Variants in SCRT2 observed in about 807,000 individuals in gnomAD.
The protein encoded by SCRT2 is transcriptional repressor scratch 2.
A neutral mutation model predicts 3.7 loss-of-function variants in SCRT2; 2 were observed. That is an observed-to-expected ratio of 0.54 (90% CI 0.22 to 1.70). The LOEUF is 1.70. Ranked by LOEUF, SCRT2 falls within the 40% of genes most tolerant of loss-of-function variation. SCRT2 has a pLI of 0.19. For synonymous variants in SCRT2, 256 were observed against 220.6 expected (o/e 1.16, Z -1.42); for missense variants, 456 against 468.5 (o/e 0.97, Z 0.25).
At chr20:674,578 C>T (rs2122363022) in intron 1 of SCRT2, among the ~76,000 whole-genome samples, 1 of 152,326 alleles carries the variant, frequency 6.6e-6, no homozygotes, top group Non-Finnish European at 1.5e-5. Context: ...TCCACAGAAG[C>T]AGTCTCCACT....
intron 1 of SCRT2, among the ~76,000 whole-genome samples, chr20:672,603 C>T (rs765415242): frequency 6.6e-4 from 100 of 151,938 alleles, no homozygotes; most frequent in Middle Eastern, 3.4e-3. Context: ...CCCTGCTCCC[C>T]CGACCCAGGT....
In SCRT2 at chr20:675,402, G is replaced by A. The variant is rs1568660270; in HGVS notation, c.133+67C>T. On this transcript the variant is annotated intron_variant, in intron 1 of 1. Transcript: ENST00000246104. The surrounding 1 kb of genome is among the most constrained non-coding windows in gnomAD (Gnocchi z 6.9). Reference sequence around the variant, plus strand: ...GCACGCGCCCCTCCTCGTGGCCCAAGCTGGGGAGGGCCCCAGCTCCCCTCG... The same window carrying A: ...GCACGCGCCCCTCCTCGTGGCCCAAACTGGGGAGGGCCCCAGCTCCCCTCG... 1.6e-6 allele frequency: 2 copies of A among 1,221,508 alleles called. No homozygotes were observed. The highest frequency in any genetic ancestry group is 3.1e-5 in the African/African-American group (2 of 63,906). The allele number at this position is 1,221,508 out of a possible 1,614,324, so 75.7% of individuals were successfully genotyped here.
rs1984515604 is a variant in SCRT2 at position 675,653 on chromosome 20, C to T, written c.-52G>A. 8.2e-7 allele frequency: 1 copy of T among 1,217,074 alleles called. No individual in the cohort carries two copies. 75.4% of individuals were successfully genotyped at this position (1,217,074 alleles called of 1,614,324 possible). A position where few individuals can be genotyped will look rare whatever the true frequency, so the allele number is the denominator to read the frequency against. ...GGGGAGGCGGCCGGCCGGGCGCGAT[C>T]GGCTGTGTCCGCGCGGGTTTTCAGC... On this transcript the variant is annotated 5_prime_UTR_variant, in exon 1 of 2. Transcript: ENST00000246104. The surrounding 1 kb of genome is among the most constrained non-coding windows in gnomAD (Gnocchi z 6.9).
rs1406006011 is a variant in SCRT2, at chr20:664,605, C to T, written c.134-144G>A. 5.7e-6 allele frequency: 3 copies of T among 522,572 alleles called. No homozygotes were observed. The highest frequency in any genetic ancestry group is 2.0e-5 in the African/African-American group (1 of 50,982). 32.4% of individuals were successfully genotyped at this position (522,572 alleles called of 1,614,324 possible). On this transcript the variant is annotated intron_variant, in intron 1 of 1. Transcript: ENST00000246104. This position sits in a 1 kb window ranked among gnomAD's most constrained non-coding sequence, Gnocchi z 7.9. ...GTGGTCTCCGACCTGCACCTCAGCT[C>T]TTCCTGTCAGGCAGCCTGGGTTCAA... is the stretch of plus-strand genomic sequence containing the variant.
Position 667,006 on chromosome 20 carries a change from G to A in SCRT2, c.134-2545C>T, listed in dbSNP as rs528846892. 6.6e-6 allele frequency among the ~76,000 whole-genome samples: 1 copy of A among 152,288 alleles called. No homozygotes were observed. Among genetic ancestry groups the A allele is most frequent in the East Asian group, 1.9e-4 (1 of 5,188 alleles). On this transcript the variant is annotated intron_variant, in intron 1 of 1. Transcript: ENST00000246104. This position sits in a 1 kb window ranked among gnomAD's most constrained non-coding sequence, Gnocchi z 4.4. ...TATTAAAGGATGACATATTGGATAA[G>A]AGTAAAACTTTGGTGCCAGACGGCC...
chr20:673,098 C>T (rs964922563), intron 1 of SCRT2, among the ~76,000 whole-genome samples: 1 of 152,222 alleles, frequency 6.6e-6, no homozygotes, highest in Non-Finnish European at 1.5e-5. Context: ...TGGCACTGAC[C>T]GTCCACTGCA....
chr20:663,619 G>C lies in SCRT2; in HGVS notation c.*52C>G. 2 of 1,327,038 alleles carry C rather than the reference G, an allele frequency of 1.5e-6. No homozygotes were observed. The highest frequency in any genetic ancestry group is 1.9e-6 in the Non-Finnish European group (2 of 1,043,668). 82.2% of individuals were successfully genotyped at this position (1,327,038 alleles called of 1,614,324 possible). A position where few individuals can be genotyped will look rare whatever the true frequency, so the allele number is the denominator to read the frequency against. On this transcript the variant is annotated 3_prime_UTR_variant, in exon 2 of 2. Coordinates refer to ENST00000246104, the MANE Select transcript of SCRT2 (RefSeq NM_033129.4). The surrounding 1 kb of genome is among the most constrained non-coding windows in gnomAD (Gnocchi z 6.9). ...GAGGGCGCTGCGGGCGCAGGTAGGG[G>C]GCCCGGGGCGCGTGGAGAGCGAGTT...
At position 666,584 on chromosome 20, in the gene SCRT2, G is replaced by C. The variant is rs1180808553; in HGVS notation, c.134-2123C>G. Among the ~76,000 whole-genome samples, 3 of 152,190 alleles carry C rather than the reference G, an allele frequency of 2.0e-5. No individual in the cohort carries two copies. The highest frequency in any genetic ancestry group is 4.4e-5 in the Non-Finnish European group (3 of 68,036). ...CAGTGTGGTGATGGCACTTGCTCCA[G>C]GGGTGGAGCAAGGATTGGAATCCAC... On this transcript the variant is annotated intron_variant, in intron 1 of 1. Transcript: ENST00000246104. The surrounding 1 kb of genome is among the most constrained non-coding windows in gnomAD (Gnocchi z 4.4).
Position 664,393 on chromosome 20 carries a change from G to T in SCRT2, c.202C>A (p.Pro68Thr), listed in dbSNP as rs1984084573. 2 of 1,404,674 alleles carry T rather than the reference G, an allele frequency of 1.4e-6. No homozygotes were observed. Among genetic ancestry groups the T allele is most frequent in the East Asian group, 2.9e-5 (1 of 34,288 alleles). 87.0% of individuals were successfully genotyped at this position (1,404,674 alleles called of 1,614,324 possible). Reference protein sequence around the residue: ...ADQKPGLELAPAEPAYPPAAP... With the variant: ...ADQKPGLELATAEPAYPPAAP... ...GCCGGCGGGTACGCGGGCTCGGCCG[G>T]GGCCAGCTCCAGGCCCGGCTTCTGG... The change falls in exon 2 of 2, where the codon CCG (proline) becomes ACG (threonine). Residue 68 changes from proline to threonine, a missense_variant. Around this residue, in one of 3 missense-constraint regions of SCRT2, gnomAD observed 306 missense variants for 305.3 expected, o/e 1.00. Coordinates refer to ENST00000246104, the MANE Select transcript of SCRT2 (RefSeq NM_033129.4). The surrounding 1 kb of genome is among the most constrained non-coding windows in gnomAD (Gnocchi z 7.9).
rs2122344058 is a variant in SCRT2, at chr20:665,213, T to C, written c.134-752A>G. 6.6e-6 allele frequency among the ~76,000 whole-genome samples: 1 copy of C among 152,294 alleles called. No individual in the cohort carries two copies. Among genetic ancestry groups the C allele is most frequent in the East Asian group, 1.9e-4 (1 of 5,188 alleles). On this transcript the variant is annotated intron_variant, in intron 1 of 1. Transcript: ENST00000246104. This position sits in a 1 kb window ranked among gnomAD's most constrained non-coding sequence, Gnocchi z 5.0. ...TTTTACTTGCTTGGAGATAGTTTCC[T>C]CCCCCACCACACTGTGAGCTCCCCA...
chr20:671,855 G>T (rs1984343199), intron 1 of SCRT2, among the ~76,000 whole-genome samples: 1 of 152,200 alleles, frequency 6.6e-6, no homozygotes. Context: ...GCAGAGGAAG[G>T]GGGGCCTGGC....
intron 1 of SCRT2, among the ~76,000 whole-genome samples, chr20:668,166 T>C (rs1353609865): frequency 1.2e-4 from 1 of 8,386 alleles, no homozygotes; most frequent in Non-Finnish European, 3.4e-4. Flanking sequence ...GCTGTTATTA[T>C]TGTTACTGGT....
chr20:670,004 A>G (rs1470362707), intron 1 of SCRT2, among the ~76,000 whole-genome samples: 4 of 152,238 alleles, frequency 2.6e-5, no homozygotes, highest in Non-Finnish European at 5.9e-5. Context: ...CCCAGGCCCA[A>G]GGAACTTTGA....
Position 664,095 on chromosome 20 carries a change from G to A in SCRT2, c.500C>T (p.Ser167Leu), listed in dbSNP as rs762268008. ...CAECGKTYAT[S>L]SNLSRHKQTH... ...CTGCTTGTGGCGGCTCAGGTTCGAC[G>A]ACGTGGCGTAGGTCTTGCCGCACTC... Residue 167 changes from serine (S) to leucine (L), a missense_variant, in exon 2 of 2, where the codon TCG becomes TTG. By Grantham distance (145) the Ser-to-Leu change is moderately radical. This residue lies in a region of SCRT2 where 306 missense variants were observed against 305.3 expected (regional missense o/e 1.00). Transcript: ENST00000246104. The surrounding 1 kb of genome is among the most constrained non-coding windows in gnomAD (Gnocchi z 7.9). The A allele has an allele frequency of 3.7e-6, 6 of 1,608,616 alleles. No individual in the cohort carries two copies. The highest frequency in any genetic ancestry group is 5.1e-6 in the Non-Finnish European group (6 of 1,179,078).
Position 675,595 on chromosome 20 carries a change from G to T in SCRT2, c.7C>A (p.Arg3Ser). The change falls in exon 1 of 2, where the codon CGC becomes AGC. Residue 3 changes from arginine to serine, a missense_variant. Coordinates refer to ENST00000246104, the MANE Select transcript of SCRT2 (RefSeq NM_033129.4). This position sits in a 1 kb window ranked among gnomAD's most constrained non-coding sequence, Gnocchi z 6.9. ...TTGATCTTCTTTACCAGGAAGGAGC[G>T]CGGCATGGCGCGGCCGGCGCGGGGC... MP[R>S]SFLVKKIKGD... is the part of the protein sequence containing the mutation. The T allele has an allele frequency of 7.7e-7, 1 of 1,304,768 alleles. No homozygotes were observed. The highest frequency in any genetic ancestry group is 9.8e-7 in the Non-Finnish European group (1 of 1,021,068). The allele number at this position is 1,304,768 out of a possible 1,614,324, so 80.8% of individuals were successfully genotyped here.
At chr20:668,416 T>C (rs1213977001) in intron 1 of SCRT2, among the ~76,000 whole-genome samples, 1 of 152,188 alleles carries the variant, frequency 6.6e-6, no homozygotes, top group Non-Finnish European at 1.5e-5. Flanking sequence ...ATCCTGCAAC[T>C]GACAGGGTGA....
rs1984042076 is a variant in SCRT2 at position 663,709 on chromosome 20, CGGCCGCCTTGGCGCA to C, written c.871_885del (p.Cys291_Ala295del). On this transcript the variant is annotated inframe_deletion, in exon 2 of 2. Transcript: ENST00000246104. The surrounding 1 kb of genome is among the most constrained non-coding windows in gnomAD (Gnocchi z 6.9). ...CCGGCGGGGGTCGGCGGGGGTGGCT[CGGCCGCCTTGGCGCA>C]GGCCGCCTCGCAGTGCTTGTGGAGG... is the stretch of plus-strand genomic sequence containing the variant. 1.3e-6 allele frequency: 2 copies of C among 1,522,410 alleles called. No homozygotes were observed. The highest frequency in any genetic ancestry group is 1.2e-5 in the South Asian group (1 of 82,838). 94.3% of individuals were successfully genotyped at this position (1,522,410 alleles called of 1,614,324 possible).
chr20:675,445 C>T lies in SCRT2; in HGVS notation c.133+24G>A. 7.7e-6 allele frequency: 10 copies of T among 1,300,450 alleles called. No individual in the cohort carries two copies. Among genetic ancestry groups the T allele is most frequent in the South Asian group, 2.5e-5 (1 of 40,560 alleles). The allele number at this position is 1,300,450 out of a possible 1,614,324, so 80.6% of individuals were successfully genotyped here. ...TCCCCTCGCCTCTTCTCCCAACCCC[C>T]CGCCCCCGCCGGGTCCCACTCACCG... On this transcript the variant is annotated intron_variant, in intron 1 of 1. Transcript: ENST00000246104. The surrounding 1 kb of genome is among the most constrained non-coding windows in gnomAD (Gnocchi z 6.9).
Position 667,379 on chromosome 20 carries a change from T to C in SCRT2, c.134-2918A>G, listed in dbSNP as rs1379487290. Among the ~76,000 whole-genome samples, 2 of 152,224 alleles carry C rather than the reference T, an allele frequency of 1.3e-5. No individual in the cohort carries two copies. The highest frequency in any genetic ancestry group is 2.9e-5 in the Non-Finnish European group (2 of 68,044). On this transcript the variant is annotated intron_variant, in intron 1 of 1. Transcript: ENST00000246104. This position sits in a 1 kb window ranked among gnomAD's most constrained non-coding sequence, Gnocchi z 4.4. ...TTAAATCCACCACGCATGTTGGCTG[T>C]TATTATGAACAATAATAACAATCTC...
Sources: gnomAD v4.1 joint callset for allele counts (sites outside exome capture counted in the v4.1 genomes callset) on GRCh38, gnomAD v4.1.1 for gene constraint, gnomAD v4.1.1 regional missense constraint, Gnocchi (gnomAD v3.1) non-coding constraint, MANE v1.5 for transcripts, NCBI Gene and HGNC (gene_info 2026-07-23, HGNC 2026-07-21) for gene names.